HDLBP: variants seen among roughly 807,000 people sequenced by gnomAD.
The protein encoded by HDLBP is high density lipoprotein binding protein.
A neutral mutation model predicts 137.3 loss-of-function variants in HDLBP; 30 were observed. The ratio of observed to expected loss-of-function variants is 0.22; its 90% CI spans 0.16 to 0.30. The LOEUF (loss-of-function observed/expected upper bound fraction) is 0.30. HDLBP is among the 10% of genes least tolerant of loss of function. HDLBP has a pLI of 1.00. For synonymous variants in HDLBP, 606 were observed against 596.0 expected (o/e 1.02, Z -0.24); for missense variants, 1,119 against 1,667.3 (o/e 0.67, Z 5.73).
chr2:241,253,012 C>T lies in HDLBP; in HGVS notation c.1317G>A (p.Glu439=), dbSNP rs1393623110. 6.2e-7 allele frequency: 1 copy of T among 1,609,018 alleles called. No homozygotes were observed. Among genetic ancestry groups the T allele is most frequent in the East Asian group, 2.2e-5 (1 of 44,662 alleles). ...KDLINRMDYV[E]INIDHKFHRH... ...TGTGGAACTTGTGGTCGATGTTGATCTCCACATAGTCCATCCGGTTAATCT... is the reference window on the plus strand; with the variant it reads ...TGTGGAACTTGTGGTCGATGTTGATTTCCACATAGTCCATCCGGTTAATCT... Residue 439 remains glutamate, a synonymous_variant, in exon 11 of 28, where the codon GAG becomes GAA. Coordinates refer to ENST00000310931, the MANE Select transcript of HDLBP (RefSeq NM_005336.6).
intron 1 of HDLBP, chr2:241,271,104 C>T (rs954682270): frequency 2.0e-6 from 2 of 985,402 alleles, no homozygotes; most frequent in African/African-American, 3.5e-5. Flanking sequence ...AACAAGTCCG[C>T]TCTCCTCCAA....
chr2:241,247,910 C>T (rs2071802771), intron 14 of HDLBP, 93 bp downstream of exon 14: 1 of 841,466 alleles, frequency 1.2e-6, no homozygotes, highest in South Asian at 1.5e-5. Flanking sequence ...TTCCCCAGAG[C>T]AGGGGTCCTG....
intron 1 of HDLBP, among the ~76,000 whole-genome samples, chr2:241,290,128 G>T (rs947516973): frequency 9.2e-5 from 14 of 152,144 alleles, no homozygotes; most frequent in African/African-American, 3.4e-4. Flanking sequence ...AGCAACGGAG[G>T]CCAGCAGGTG....
At position 241,235,576 on chromosome 2, in the gene HDLBP, T is replaced by C; in HGVS notation, c.2923A>G (p.Ile975Val). ...AGGTCAAAGGGCACCTCTACTTCAA[T>C]GGTGACAGGAACCAATGCCTGCAGG... Reference protein sequence around the residue: ...EALEALVPVTIEVEVPFDLHR... With the variant: ...EALEALVPVTVEVEVPFDLHR... Residue 975 changes from isoleucine (I) to valine (V), a missense_variant, in exon 22 of 28, where the codon ATT becomes GTT. Ile to Val is a conservative substitution (Grantham distance 29). Around this residue, in one of 4 missense-constraint regions of HDLBP, gnomAD observed 618 missense variants for 816.7 expected, o/e 0.76. Coordinates refer to ENST00000310931, the MANE Select transcript of HDLBP (RefSeq NM_005336.6). The C allele has an allele frequency of 6.2e-7, 1 of 1,613,834 alleles. No individual in the cohort carries two copies. The highest frequency in any genetic ancestry group is 8.5e-7 in the Non-Finnish European group (1 of 1,179,772).
rs767156507 is a variant in HDLBP at position 241,242,649 on chromosome 2, G to C, written c.1980C>G (p.Ile660Met). The part of the protein sequence containing the change: ...LANIAEVEVS[I>M]PAKLHNSLIG... The stretch of plus-strand genomic sequence containing the variant: ...TGAGGGAGTTGTGCAGCTTGGCAGG[G>C]ATGGAGACCTCTACCTCGGCTATGT... The change falls in exon 17 of 28, where the codon ATC (isoleucine) becomes ATG (methionine). Residue 660 changes from isoleucine to methionine, a missense_variant. By Grantham distance (10) the Ile-to-Met change is conservative. This residue lies in a region of HDLBP where 425 missense variants were observed against 693.9 expected (regional missense o/e 0.61). Transcript: ENST00000310931. 6.2e-7 allele frequency: 1 copy of C among 1,613,978 alleles called. No individual in the cohort carries two copies. Among genetic ancestry groups the C allele is most frequent in the East Asian group, 2.2e-5 (1 of 44,904 alleles).
chr2:241,246,123 C>T (rs184611166), intron 16 of HDLBP, among the ~76,000 whole-genome samples: 123 of 152,274 alleles, frequency 8.1e-4, no homozygotes, highest in Non-Finnish European at 9.0e-4. Flanking sequence ...TGACAACACA[C>T]ACAAATGTCA....
rs997231993 is a variant in HDLBP at position 241,272,600 on chromosome 2, C to G, written c.-102-4059G>C. 18 of 983,234 alleles carry G rather than the reference C, an allele frequency of 1.8e-5. No homozygotes were observed. Among genetic ancestry groups the G allele is most frequent in the Non-Finnish European group, 2.1e-5 (17 of 828,906 alleles). The allele number at this position is 983,234 out of a possible 1,614,324, so 60.9% of individuals were successfully genotyped here. A position where few individuals can be genotyped will look rare whatever the true frequency, so the allele number is the denominator to read the frequency against. Reference sequence around the variant, plus strand: ...GCGCGGTAAGCAGGACACCCGCGGGCGGGGGCCGCAGCCTGGGGCCCGGGT... The same window carrying G: ...GCGCGGTAAGCAGGACACCCGCGGGGGGGGGCCGCAGCCTGGGGCCCGGGT... On this transcript the variant is annotated intron_variant, in intron 1 of 27. Transcript: ENST00000310931. This position sits in a 1 kb window ranked among gnomAD's most constrained non-coding sequence, Gnocchi z 5.6.
chr2:241,247,918 C>A, intron 14 of HDLBP, 85 bp downstream of exon 14: 1 of 912,524 alleles, frequency 1.1e-6, no homozygotes, highest in Non-Finnish European at 1.8e-6. Context: ...AGCAGGGGTC[C>A]TGTGGGGGTC....
intron 12 of HDLBP, among the ~76,000 whole-genome samples, chr2:241,249,050 C>T (rs1357396426): frequency 6.6e-6 from 1 of 152,046 alleles, no homozygotes; most frequent in Admixed American, 6.6e-5. Flanking sequence ...GGCTGGAGGC[C>T]AGGCTAAGAG....
At chr2:241,255,672 C>T (rs889610148) in intron 7 of HDLBP, 92 bp from the exon 8 acceptor site, 17 of 943,354 alleles carry the variant, frequency 1.8e-5, no homozygotes, top group African/African-American at 1.3e-4. Flanking sequence ...CAAGCCAAAG[C>T]GGCCCAGACT....
chr2:241,257,050 C>A (rs1574939772), intron 5 of HDLBP, among the ~76,000 whole-genome samples: 2 of 152,116 alleles, frequency 1.3e-5, no homozygotes, highest in East Asian at 3.8e-4. Flanking sequence ...TATACACCCA[C>A]AAAGGGAGAC....
intron 14 of HDLBP, 71 bp from the exon 15 acceptor site, chr2:241,247,213 C>T: frequency 4.2e-6 from 4 of 953,786 alleles, no homozygotes; most frequent in Non-Finnish European, 6.8e-6. Flanking sequence ...CCTTCTACCC[C>T]TAAGGGTAGC....
chr2:241,253,762 G>GCATGCGA (rs1158038666), intron 9 of HDLBP, among the ~76,000 whole-genome samples: 2 of 152,214 alleles, frequency 1.3e-5, no homozygotes, highest in Non-Finnish European at 2.9e-5. Context: ...CTAACATAAA[G>GCATGCGA]CATGCGACAT....
chr2:241,311,935 C>T (rs2075768699), intron 1 of HDLBP, among the ~76,000 whole-genome samples: 1 of 152,188 alleles, frequency 6.6e-6, no homozygotes, highest in Non-Finnish European at 1.5e-5. Context: ...GAAGAGACAT[C>T]ACATGAAACA....
intron 1 of HDLBP, among the ~76,000 whole-genome samples, chr2:241,281,694 A>G (rs1423002492): frequency 6.6e-6 from 1 of 152,214 alleles, no homozygotes. Context: ...AGTCTAAAAT[A>G]TACATCAGAT....
chr2:241,256,864 A>AC, intron 5 of HDLBP, 58 bp from the exon 6 acceptor site: 1 of 1,468,626 alleles, frequency 6.8e-7, no homozygotes, highest in Non-Finnish European at 9.5e-7. Context: ...GAAGGAGCAT[A>AC]TTTTTCCAAG....
chr2:241,297,171 G>C (rs2075210590), intron 1 of HDLBP, among the ~76,000 whole-genome samples: 1 of 152,216 alleles, frequency 6.6e-6, no homozygotes, highest in South Asian at 2.1e-4. Context: ...TACATAGCTA[G>C]GGTATCAGAG....
At position 241,240,162 on chromosome 2, in the gene HDLBP, T is replaced by C; in HGVS notation, c.2170-40A>G. ...CCCACTGTGTTAGCCTGACACCACGTGCCTGGACCACAGTGAGGAAGACAA... is the reference window on the plus strand; with the variant it reads ...CCCACTGTGTTAGCCTGACACCACGCGCCTGGACCACAGTGAGGAAGACAA... On this transcript the variant is annotated intron_variant, in intron 17 of 27. Coordinates refer to ENST00000310931, the MANE Select transcript of HDLBP (RefSeq NM_005336.6). The surrounding 1 kb of genome is among the most constrained non-coding windows in gnomAD (Gnocchi z 5.5). 2 of 1,591,238 alleles carry C rather than the reference T, an allele frequency of 1.3e-6. No individual in the cohort carries two copies. Among genetic ancestry groups the C allele is most frequent in the Non-Finnish European group, 1.7e-6 (2 of 1,159,064 alleles).
chr2:241,247,213 C>G, intron 14 of HDLBP, 71 bp from the exon 15 acceptor site: 2 of 953,800 alleles, frequency 2.1e-6, no homozygotes, highest in Non-Finnish European at 3.4e-6. Context: ...CCTTCTACCC[C>G]TAAGGGTAGC....
Sources: allele counts gnomAD v4.1 joint callset (sites outside exome capture counted in the v4.1 genomes callset), GRCh38; gene constraint gnomAD v4.1.1; regional missense constraint gnomAD v4.1.1; non-coding constraint Gnocchi (gnomAD v3.1); transcripts MANE v1.5; gene names NCBI Gene and HGNC (gene_info 2026-07-23, HGNC 2026-07-21).